The following RAI14 variants were observed in gnomAD, a reference collection of about 807,000 sequenced individuals.
RAI14 encodes ankycorbin.
A neutral mutation model predicts 115.4 loss-of-function variants in RAI14; 45 were observed. The ratio of observed to expected loss-of-function variants is 0.39; its 90% CI spans 0.31 to 0.50. The LOEUF (loss-of-function observed/expected upper bound fraction) is 0.50. Among genes scored for constraint, RAI14 ranks in the 20% least tolerant of loss-of-function variants. The probability of loss-of-function intolerance (pLI) is 0.85; values close to 1 mark genes in which losing one functional copy is unlikely to be tolerated. For synonymous variants in RAI14, 371 were observed against 415.4 expected (o/e 0.89, Z 1.30); for missense variants, 939 against 1,131.2 (o/e 0.83, Z 2.44).
intron 16 of RAI14, among the ~76,000 whole-genome samples, chr5:34,829,475 G>T (rs1436521632): frequency 6.6e-6 from 1 of 152,092 alleles, no homozygotes; most frequent in East Asian, 1.9e-4. Context: ...AAAACCAAAT[G>T]TGGGGTGATA....
chr5:34,775,444 G>T (rs888043533), intron 3 of RAI14, among the ~76,000 whole-genome samples: 2 of 152,120 alleles, frequency 1.3e-5, no homozygotes, highest in Non-Finnish European at 2.9e-5. Flanking sequence ...TTAAAAATGG[G>T]CAAAAGGTAC....
At chr5:34,663,883 G>C (rs1333204553) in intron 1 of RAI14, among the ~76,000 whole-genome samples, 1 of 152,192 alleles carries the variant, frequency 6.6e-6, no homozygotes, top group East Asian at 1.9e-4. Context: ...ATTGTGTCTT[G>C]ATTGATTCAC....
intron 3 of RAI14, among the ~76,000 whole-genome samples, chr5:34,775,587 T>C (rs1487767605): frequency 6.6e-6 from 1 of 152,054 alleles, no homozygotes; most frequent in African/African-American, 2.4e-5. Flanking sequence ...AATGAATGAA[T>C]GGGCAAAAAG....
In RAI14 at chr5:34,760,952, T is replaced by C. The variant is rs76529135; in HGVS notation, c.167+3354T>C. ...AATCTGGGTTCTGTCTCTGGATTTGTCTGCTCTGGATATTTTTTATAAATG... is the reference window on the plus strand; with the variant it reads ...AATCTGGGTTCTGTCTCTGGATTTGCCTGCTCTGGATATTTTTTATAAATG... On this transcript the variant is annotated intron_variant, in intron 3 of 17. Coordinates refer to ENST00000265109, the MANE Select transcript of RAI14 (RefSeq NM_015577.3). 3.9e-3 allele frequency among the ~76,000 whole-genome samples: 592 copies of C among 152,340 alleles called. 2 individuals carry two copies. Among genetic ancestry groups the C allele is most frequent in the African/African-American group, 0.014 (564 of 41,582 alleles).
Position 34,721,291 on chromosome 5 carries a change from G to GTATATATA in RAI14, c.36+34363_36+34370dup, listed in dbSNP as rs10538679. Reference sequence around the variant, plus strand: ...TGTGTATGTATGTAGATGTAGATGTGTATATATATATATATATATATATAT... The same window carrying GTATATATA: ...TGTGTATGTATGTAGATGTAGATGTGTATATATATATATATATATATATATATATATAT... On this transcript the variant is annotated intron_variant, in intron 2 of 17. Transcript: ENST00000265109. Among the ~76,000 whole-genome samples, 638 of 130,996 alleles carry GTATATATA rather than the reference G, an allele frequency of 4.9e-3. 9 individuals carry two copies. The highest frequency in any genetic ancestry group is 0.023 in the East Asian group (85 of 3,656). 85.9% of individuals were successfully genotyped at this position (130,996 alleles called of 152,430 possible).
intron 16 of RAI14, 72 bp from the exon 17 acceptor site, chr5:34,829,660 C>T: frequency 7.6e-7 from 1 of 1,316,894 alleles, no homozygotes. Context: ...CTGCAGCTTT[C>T]TCATAGTTTT....
chr5:34,663,227 A>G (rs1579845871), intron 1 of RAI14, among the ~76,000 whole-genome samples: 1 of 152,308 alleles, frequency 6.6e-6, no homozygotes, highest in Admixed American at 6.5e-5. Context: ...TTTAAAAAGT[A>G]ACTTTTGGCC....
chr5:34,815,908 A>G (rs1195098800), intron 12 of RAI14, among the ~76,000 whole-genome samples: 3 of 152,212 alleles, frequency 2.0e-5, no homozygotes, highest in Non-Finnish European at 4.4e-5. Flanking sequence ...AATACATACA[A>G]CTTTTATTTG....
chr5:34,660,463 G>C (rs967382166), intron 1 of RAI14, among the ~76,000 whole-genome samples: 6 of 152,084 alleles, frequency 3.9e-5, no homozygotes, highest in African/African-American at 1.2e-4. Flanking sequence ...AGAAAAAGTG[G>C]CTCTTCATTG....
At chr5:34,776,344 G>A (rs139943471) in intron 3 of RAI14, among the ~76,000 whole-genome samples, 9 of 152,232 alleles carry the variant, frequency 5.9e-5, no homozygotes, top group Non-Finnish European at 8.8e-5. Flanking sequence ...ATAAGATCTC[G>A]TATTTGATAG....
At chr5:34,819,578 T>C (rs1756619601) in intron 13 of RAI14, among the ~76,000 whole-genome samples, 1 of 152,224 alleles carries the variant, frequency 6.6e-6, no homozygotes, top group Non-Finnish European at 1.5e-5. Flanking sequence ...GTGTCTCTTA[T>C]AAAAGAGTGC....
At chr5:34,760,167 G>A (rs1748436811) in intron 3 of RAI14, among the ~76,000 whole-genome samples, 1 of 152,094 alleles carries the variant, frequency 6.6e-6, no homozygotes, top group Non-Finnish European at 1.5e-5. Flanking sequence ...TCGTGCCTCA[G>A]CCTCCCGAGT....
Position 34,823,095 on chromosome 5 carries a change from A to G in RAI14, c.1253A>G (p.His418Arg). The change falls in exon 15 of 18, where the codon CAT becomes CGT. Residue 418 changes from histidine to arginine, a missense_variant. His to Arg is a conservative substitution (Grantham distance 29). Transcript: ENST00000265109. The surrounding 1 kb of genome is among the most constrained non-coding windows in gnomAD (Gnocchi z 4.5). ...AAATCATCTCCATCTGTCTTAATAC[A>G]TTCTTTAGGTAAATCCACTACTGAC... ...DSKSSPSVLI[H>R]SLGKSTTDND... 6.2e-7 allele frequency: 1 copy of G among 1,613,026 alleles called. No homozygotes were observed. The highest frequency in any genetic ancestry group is 8.5e-7 in the Non-Finnish European group (1 of 1,179,036).
At chr5:34,792,947 C>G (rs1219610558) in intron 3 of RAI14, among the ~76,000 whole-genome samples, 1 of 152,122 alleles carries the variant, frequency 6.6e-6, no homozygotes, top group Non-Finnish European at 1.5e-5. Flanking sequence ...GGAAAGTCCC[C>G]AGAATAGAGA....
Position 34,708,201 on chromosome 5 carries a change from G to GTTTTTTTTT in RAI14, c.36+21251_36+21252insTTTTTTTTT, listed in dbSNP as rs146605112. Among the ~76,000 whole-genome samples the GTTTTTTTTT allele has an allele frequency of 2.7e-5, 4 of 147,312 alleles. 1 individual carries two copies. Among genetic ancestry groups the GTTTTTTTTT allele is most frequent in the Non-Finnish European group, 1.5e-5 (1 of 67,078 alleles). On this transcript the variant is annotated intron_variant, in intron 2 of 17. Coordinates refer to ENST00000265109, the MANE Select transcript of RAI14 (RefSeq NM_015577.3). ...AAACCTAAGTATAAGGGAACTTTGG[G>GTTTTTTTTT]TTTTTGTTTTTTTTTTTTGAGACCG... is the stretch of plus-strand genomic sequence containing the variant.
chr5:34,831,392 TAAAAAC>T lies in RAI14; in HGVS notation c.*632_*637del, dbSNP rs1270010874. ...GCACTATTAACTAAAATATGAAACTTAAAAACAAAAGCAAGTTGTCCTTAAAAGTTC... is the reference window on the plus strand; with the variant it reads ...GCACTATTAACTAAAATATGAAACTTAAAAGCAAGTTGTCCTTAAAAGTTC... On this transcript the variant is annotated 3_prime_UTR_variant, in exon 18 of 18. Transcript: ENST00000265109. The T allele has an allele frequency of 2.0e-5, 3 of 152,756 alleles. No homozygotes were observed. The highest frequency in any genetic ancestry group is 3.9e-4 in the East Asian group (2 of 5,186). 9.5% of individuals were successfully genotyped at this position (152,756 alleles called of 1,614,324 possible).
At chr5:34,688,126 T>C (rs576156536) in intron 2 of RAI14, 1 of 1,520,068 alleles carries the variant, frequency 6.6e-7, no homozygotes, top group Non-Finnish European at 8.8e-7. Context: ...GAAAACTAGC[T>C]GTTGGCCAGA....
At position 34,826,343 on chromosome 5, in the gene RAI14, C is replaced by T. The variant is rs928096502; in HGVS notation, c.2663C>T (p.Ser888Leu). Residue 888 changes from serine (S) to leucine (L), a missense_variant, in exon 16 of 18, where the codon TCG becomes TTG. Physicochemically the swap from Ser to Leu is moderately radical, Grantham distance 145. Transcript: ENST00000265109. ...EDKDKKINEM[S>L]KEVTKLKEAL... is the part of the protein sequence containing the mutation. The stretch of plus-strand genomic sequence containing the variant: ...CTTTGCCCCTAGATAAATGAGATGT[C>T]GAAGGAAGTCACCAAATTGAAGGAG... 3.7e-6 allele frequency: 6 copies of T among 1,613,526 alleles called. No individual in the cohort carries two copies. Among genetic ancestry groups the T allele is most frequent in the African/African-American group, 2.7e-5 (2 of 74,890 alleles).
chr5:34,664,735 C>T (rs956693070), intron 1 of RAI14, among the ~76,000 whole-genome samples: 3 of 151,496 alleles, frequency 2.0e-5, no homozygotes, highest in Non-Finnish European at 4.4e-5. Context: ...GAGCAGTATA[C>T]GCTGCATCCT....
Sources: allele counts gnomAD v4.1 joint callset (sites outside exome capture counted in the v4.1 genomes callset), GRCh38; gene constraint gnomAD v4.1.1; non-coding constraint Gnocchi (gnomAD v3.1); transcripts MANE v1.5; gene names NCBI Gene and HGNC (gene_info 2026-07-23, HGNC 2026-07-21).